The following IL7 variants were observed in gnomAD, a reference collection of about 807,000 sequenced individuals.
IL7 encodes the protein interleukin 7, also known as interleukin-7.
In IL7, 3 loss-of-function variants were observed where a neutral mutation model predicts 21.6. That is an observed-to-expected ratio of 0.14 (90% CI 0.06 to 0.36). The LOEUF (loss-of-function observed/expected upper bound fraction) is 0.36. Ranked by LOEUF, IL7 falls within the 10% of genes least tolerant of loss-of-function variation. The probability of loss-of-function intolerance (pLI) is 1.00; values close to 1 mark genes in which losing one functional copy is unlikely to be tolerated. For missense variants in IL7, 175 were observed against 200.2 expected, an observed-to-expected ratio of 0.87 and a Z score of 0.76; for synonymous variants, 62 against 68.1, an observed-to-expected ratio of 0.91 and a Z score of 0.44.
chr8:78,675,818 G>A (rs1194178239), exon 5 of IL7: 2 of 1,609,960 alleles, frequency 1.2e-6, no homozygotes, highest in East Asian at 4.5e-5. Flanking sequence ...TTGGAGAATT[G>A]TTACCTTGCA....
At chr8:78,773,743 T>G (rs1008889386) in intron 2 of IL7, among the ~76,000 whole-genome samples, 9 of 152,278 alleles carry the variant, frequency 5.9e-5, no homozygotes, top group African/African-American at 1.9e-4. Flanking sequence ...GATTAGTACA[T>G]GTTTGGGAAG....
At chr8:78,783,120 T>C (rs1813395051) in intron 2 of IL7, among the ~76,000 whole-genome samples, 1 of 152,126 alleles carries the variant, frequency 6.6e-6, no homozygotes, top group Non-Finnish European at 1.5e-5. Context: ...CAGGTAGCCA[T>C]AGCGATGGTG....
rs186031695 is a variant in IL7, at chr8:78,763,408, C to T, written c.148-23326G>A. Among the ~76,000 whole-genome samples the T allele has an allele frequency of 2.5e-3, 374 of 152,046 alleles. 2 individuals carry two copies. Among genetic ancestry groups the T allele is most frequent in the African/African-American group, 8.4e-3 (347 of 41,460 alleles). ...TTTTATTACCATAAATTACTTGTACCTCCTATAAAGTGGTATAATGTTATT... is the reference window on the plus strand; with the variant it reads ...TTTTATTACCATAAATTACTTGTACTTCCTATAAAGTGGTATAATGTTATT... On this transcript the variant is annotated intron_variant, in intron 2 of 5. Transcript: ENST00000263851.
chr8:78,727,947 A>G (rs113608305), downstream of IL7, among the ~76,000 whole-genome samples: 64 of 152,088 alleles, frequency 4.2e-4, no homozygotes, highest in African/African-American at 9.6e-4. Context: ...AGAACAATAT[A>G]CAAAAGTGAG....
chr8:78,747,051 G>T, intron 2 of IL7: 1 of 456,596 alleles, frequency 2.2e-6, no homozygotes, highest in Non-Finnish European at 4.4e-6. Flanking sequence ...ATAGCTGATT[G>T]CTGCTTCCTT....
intron 2 of IL7, among the ~76,000 whole-genome samples, chr8:78,764,223 C>G (rs1021828685): frequency 1.2e-4 from 18 of 152,078 alleles, no homozygotes; most frequent in African/African-American, 4.3e-4. Context: ...TACAAAAGTC[C>G]TATAGCTAAT....
intron 2 of IL7, among the ~76,000 whole-genome samples, chr8:78,749,341 T>G (rs1238321416): frequency 5.9e-5 from 9 of 152,112 alleles, no homozygotes; most frequent in Non-Finnish European, 1.2e-4. Context: ...CTTTTCCATT[T>G]GGCATATAAG....
intron 3 of IL7, among the ~76,000 whole-genome samples, chr8:78,691,797 A>G (rs1200786000): frequency 6.6e-6 from 1 of 152,000 alleles, no homozygotes; most frequent in African/African-American, 2.4e-5. Context: ...TACCTCTGAC[A>G]GGTTTGTGCT....
chr8:78,744,054 G>A (rs1423082281), intron 2 of IL7, among the ~76,000 whole-genome samples: 1 of 152,176 alleles, frequency 6.6e-6, no homozygotes, highest in Non-Finnish European at 1.5e-5. Context: ...TGCCCAGTCA[G>A]GAGGAAGAGG....
chr8:78,690,194 A>G (rs1182860580), intron 3 of IL7, among the ~76,000 whole-genome samples: 5 of 152,002 alleles, frequency 3.3e-5, no homozygotes, highest in Non-Finnish European at 5.9e-5. Context: ...CATTATCACT[A>G]TACTGAATAG....
rs1811476799 is a variant in IL7 at position 78,733,448 on chromosome 8, C to G, written c.*265G>C. On this transcript the variant is annotated 3_prime_UTR_variant, in exon 6 of 6. Transcript: ENST00000263851. ...GCAACTGATACCTTACATGGATTGTCTTACAAAAATCAGTACAGAATTATA... is the reference window on the plus strand; with the variant it reads ...GCAACTGATACCTTACATGGATTGTGTTACAAAAATCAGTACAGAATTATA... The G allele has an allele frequency of 3.6e-6, 1 of 276,954 alleles. No homozygotes were observed. Among genetic ancestry groups the G allele is most frequent in the Non-Finnish European group, 6.7e-6 (1 of 149,694 alleles). The allele number at this position is 276,954 out of a possible 1,614,324, so 17.2% of individuals were successfully genotyped here.
chr8:78,691,766 A>G (rs1187061075), intron 3 of IL7, among the ~76,000 whole-genome samples: 1 of 152,086 alleles, frequency 6.6e-6, no homozygotes, highest in Admixed American at 6.6e-5. Flanking sequence ...TGACTTACCC[A>G]TATCTATGGA....
intron 2 of IL7, among the ~76,000 whole-genome samples, chr8:78,784,766 C>T (rs918107287): frequency 6.6e-6 from 1 of 152,026 alleles, no homozygotes; most frequent in African/African-American, 2.4e-5. Flanking sequence ...AGAGGCTACT[C>T]TAATTCTACA....
intron 2 of IL7, among the ~76,000 whole-genome samples, chr8:78,768,081 C>T (rs1434214361): frequency 6.6e-6 from 1 of 151,318 alleles, no homozygotes; most frequent in Admixed American, 6.6e-5. Context: ...TCATCCACGT[C>T]CCTACAAAGG....
intron 2 of IL7, among the ~76,000 whole-genome samples, chr8:78,789,346 G>T (rs561087432): frequency 5.9e-5 from 9 of 152,032 alleles, no homozygotes; most frequent in Non-Finnish European, 1.3e-4. Flanking sequence ...AGCATAAATT[G>T]ATATTAAAAA....
chr8:78,698,333 G>A, intron 3 of IL7: 5 of 1,144,430 alleles, frequency 4.4e-6, no homozygotes, highest in East Asian at 5.1e-5. Flanking sequence ...TATTACTAAA[G>A]CATTGTTTCC....
intron 2 of IL7, among the ~76,000 whole-genome samples, chr8:78,782,005 C>T (rs1813348389): frequency 6.6e-6 from 1 of 152,098 alleles, no homozygotes; most frequent in South Asian, 2.1e-4. Flanking sequence ...TTGATCTATT[C>T]AGCTATTGAT....
At chr8:78,759,305 G>T (rs1200002545) in intron 2 of IL7, among the ~76,000 whole-genome samples, 1 of 148,768 alleles carries the variant, frequency 6.7e-6, no homozygotes, top group African/African-American at 2.5e-5. Flanking sequence ...AAAAATAACA[G>T]CAATATTTTC....
intron 2 of IL7, among the ~76,000 whole-genome samples, chr8:78,785,587 T>G (rs1331525375): frequency 6.6e-6 from 1 of 152,242 alleles, no homozygotes; most frequent in Non-Finnish European, 1.5e-5. Flanking sequence ...AAAATTCATG[T>G]GTACTTTAAA....
Sources: gnomAD v4.1 joint callset for allele counts (sites outside exome capture counted in the v4.1 genomes callset) on GRCh38, gnomAD v4.1.1 for gene constraint, MANE v1.5 for transcripts, NCBI Gene and HGNC (gene_info 2026-07-23, HGNC 2026-07-21) for gene names.